SDK1: variants seen among roughly 807,000 people sequenced by gnomAD.
SDK1 encodes protein sidekick-1.
SDK1 carries 157 observed loss-of-function variants against 245.5 expected under a neutral mutation model. That is an observed-to-expected ratio of 0.64 (90% CI 0.56 to 0.73). SDK1 has a LOEUF of 0.73. Among genes scored for constraint, SDK1 ranks in the 30% least tolerant of loss-of-function variants. The probability of loss-of-function intolerance (pLI) is 0.00; values close to 1 mark genes in which losing one functional copy is unlikely to be tolerated. For missense variants in SDK1, 3,583 were observed against 3,002.3 expected (o/e 1.19, Z -4.52); for synonymous variants, 1,647 against 1,278.5 (o/e 1.29, Z -6.15).
chr7:3,848,965 C>A (rs188295071), intron 5 of SDK1, among the ~76,000 whole-genome samples: 2 of 152,218 alleles, frequency 1.3e-5, no homozygotes, highest in Non-Finnish European at 2.9e-5. Context: ...CCGCCGCGCC[C>A]GGCCTGGAGT....
chr7:3,906,124 T>A (rs535902229), intron 5 of SDK1, among the ~76,000 whole-genome samples: 1 of 152,332 alleles, frequency 6.6e-6, no homozygotes, highest in South Asian at 2.1e-4. Context: ...TATTTTCTCT[T>A]TAGCTTTGTC....
At chr7:3,560,200 T>C (rs139691684) in intron 1 of SDK1, among the ~76,000 whole-genome samples, 132 of 152,378 alleles carry the variant, frequency 8.7e-4, no homozygotes, top group African/African-American at 3.1e-3. Flanking sequence ...ACTGTTTATC[T>C]TGAATACCCT....
chr7:4,094,740 G>A (rs1184436051), intron 22 of SDK1, among the ~76,000 whole-genome samples: 1 of 152,180 alleles, frequency 6.6e-6, no homozygotes, highest in Non-Finnish European at 1.5e-5. Context: ...AAAGTGAGGT[G>A]TGTCTTTCAG....
Position 4,060,991 on chromosome 7 carries a change from G to A in SDK1, c.2912-6847G>A, listed in dbSNP as rs192251865. ...ATTTCAGAGGGCTCTGTTCTGTTCCGTTGATCTATATCTCTGTTTTGGTAC... is the reference window on the plus strand; with the variant it reads ...ATTTCAGAGGGCTCTGTTCTGTTCCATTGATCTATATCTCTGTTTTGGTAC... On this transcript the variant is annotated intron_variant, in intron 19 of 44. Transcript: ENST00000404826. Among the ~76,000 whole-genome samples, 1,129 of 152,240 alleles carry A rather than the reference G, an allele frequency of 7.4e-3. 46 individuals carry two copies. The highest frequency in any genetic ancestry group is 0.058 in the Admixed American group (884 of 15,282).
At chr7:3,596,662 A>G (rs1781077768) in intron 1 of SDK1, among the ~76,000 whole-genome samples, 1 of 152,176 alleles carries the variant, frequency 6.6e-6, no homozygotes, top group African/African-American at 2.4e-5. Context: ...AAATAGATAA[A>G]TATTACCTGT....
At chr7:3,474,831 T>C (rs1165549898) in intron 1 of SDK1, among the ~76,000 whole-genome samples, 2 of 152,094 alleles carry the variant, frequency 1.3e-5, no homozygotes, top group South Asian at 2.1e-4. Context: ...GTGGGGACTA[T>C]ATAGGTGTGC....
At chr7:3,859,083 C>T (rs555504000) in intron 5 of SDK1, among the ~76,000 whole-genome samples, 4 of 151,710 alleles carry the variant, frequency 2.6e-5, no homozygotes, top group South Asian at 2.1e-4. Context: ...AGGATGGTCT[C>T]GAACTCCTGA....
chr7:4,079,408 T>C, intron 21 of SDK1, 55 bp from the exon 22 acceptor site: 1 of 1,603,426 alleles, frequency 6.2e-7, no homozygotes, highest in Non-Finnish European at 8.5e-7. Context: ...TTGATACCTT[T>C]CCTAAGCTGT....
At chr7:3,559,249 A>T (rs1447461610) in intron 1 of SDK1, among the ~76,000 whole-genome samples, 1 of 152,178 alleles carries the variant, frequency 6.6e-6, no homozygotes, top group South Asian at 2.1e-4. Context: ...ATTTACTATG[A>T]TGAAGTCTGA....
At chr7:3,927,669 CT>C (rs948294036) in intron 5 of SDK1, among the ~76,000 whole-genome samples, 1 of 152,256 alleles carries the variant, frequency 6.6e-6, no homozygotes, top group African/African-American at 2.4e-5. Context: ...TCTGTCTCCT[CT>C]GACACTGTCA....
intron 22 of SDK1, among the ~76,000 whole-genome samples, chr7:4,106,850 C>G (rs1220139775): frequency 6.6e-6 from 1 of 151,928 alleles, no homozygotes; most frequent in Non-Finnish European, 1.5e-5. Context: ...CCACCGCTGA[C>G]CCCGCAGCAG....
intron 1 of SDK1, among the ~76,000 whole-genome samples, chr7:3,340,981 G>C (rs1462284278): frequency 3.9e-5 from 6 of 151,976 alleles, no homozygotes; most frequent in Non-Finnish European, 4.4e-5. Context: ...GAAAACAGGA[G>C]AGAAGACCTA....
chr7:3,773,997 G>A (rs1780478354), intron 4 of SDK1, among the ~76,000 whole-genome samples: 1 of 151,998 alleles, frequency 6.6e-6, no homozygotes, highest in South Asian at 2.1e-4. Flanking sequence ...GGTGGATCAC[G>A]AGGTCAGGAG....
At chr7:3,442,605 T>A (rs1427817502) in intron 1 of SDK1, among the ~76,000 whole-genome samples, 1 of 152,224 alleles carries the variant, frequency 6.6e-6, no homozygotes, top group East Asian at 1.9e-4. Flanking sequence ...TTCTAACTTT[T>A]CAAATTTAGG....
intron 20 of SDK1, among the ~76,000 whole-genome samples, chr7:4,071,249 T>C (rs1479092746): frequency 6.6e-6 from 1 of 152,058 alleles, no homozygotes; most frequent in Non-Finnish European, 1.5e-5. Flanking sequence ...GGTCTTGAAC[T>C]CCTGACCTCA....
chr7:3,570,765 G>C (rs1365340103), intron 1 of SDK1, among the ~76,000 whole-genome samples: 1 of 152,064 alleles, frequency 6.6e-6, no homozygotes, highest in Non-Finnish European at 1.5e-5. Context: ...GGTCCCTAAA[G>C]GCATTTCAGG....
chr7:3,362,616 A>G (rs186081560), intron 1 of SDK1, among the ~76,000 whole-genome samples: 14 of 152,298 alleles, frequency 9.2e-5, no homozygotes, highest in Non-Finnish European at 1.6e-4. Flanking sequence ...AATGTACAAG[A>G]TTTAAAATTA....
intron 1 of SDK1, among the ~76,000 whole-genome samples, chr7:3,585,866 AAGAAGGGAGGGAAAGAGATT>A (rs1448392175): frequency 1.3e-5 from 2 of 152,182 alleles, no homozygotes; most frequent in Admixed American, 1.3e-4. Flanking sequence ...TCCATTTTCC[AAGAAGGGAGGGAAAGAGATT>A]AGAAGTAAGA....
intron 44 of SDK1, among the ~76,000 whole-genome samples, chr7:4,246,287 C>T (rs1786855391): frequency 6.6e-6 from 1 of 152,116 alleles, no homozygotes; most frequent in African/African-American, 2.4e-5. Context: ...TGGTCGCTTT[C>T]ACGTGCTCCA....
Sources: gnomAD v4.1 joint callset for allele counts (sites outside exome capture counted in the v4.1 genomes callset) on GRCh38, gnomAD v4.1.1 for gene constraint, MANE v1.5 for transcripts, NCBI Gene and HGNC (gene_info 2026-07-23, HGNC 2026-07-21) for gene names.